MTUS2: variants seen among roughly 807,000 people sequenced by gnomAD.
The protein encoded by MTUS2 is microtubule-associated tumor suppressor candidate 2.
In MTUS2, 40 loss-of-function variants were observed where a neutral mutation model predicts 114.1. That is an observed-to-expected ratio of 0.35 (90% CI 0.27 to 0.46). The LOEUF (loss-of-function observed/expected upper bound fraction) is 0.46. MTUS2 is among the 20% of genes least tolerant of loss of function. The pLI, the probability that MTUS2 is intolerant of heterozygous loss-of-function variation, is 1.00. For missense variants in MTUS2, 1,679 were observed against 1,705.4 expected, an observed-to-expected ratio of 0.98 and a Z score of 0.27; for synonymous variants, 688 against 672.0, an observed-to-expected ratio of 1.02 and a Z score of -0.37.
intron 5 of MTUS2, among the ~76,000 whole-genome samples, chr13:29,207,201 T>C (rs999984165): frequency 1.3e-5 from 2 of 152,044 alleles, no homozygotes; most frequent in Admixed American, 1.3e-4. Flanking sequence ...GTAAAAGGGG[T>C]TGAGTTCTTT....
rs990255673 is a variant in MTUS2, at chr13:29,195,167, A to G, written c.2645-86537A>G. 8.6e-5 allele frequency among the ~76,000 whole-genome samples: 13 copies of G among 151,452 alleles called. No individual in the cohort carries two copies. The East Asian group carries it at 9.7e-4, about 11-fold the overall frequency. Reference sequence around the variant, plus strand: ...TAAATGACGAGTTAATGGGTGCAGCACACCAGCATGGCACATGTATACATA... The same window carrying G: ...TAAATGACGAGTTAATGGGTGCAGCGCACCAGCATGGCACATGTATACATA... On this transcript the variant is annotated intron_variant, in intron 5 of 15. Transcript: ENST00000612955.
chr13:29,282,539 C>A (rs1898316717), intron 6 of MTUS2, among the ~76,000 whole-genome samples: 1 of 152,196 alleles, frequency 6.6e-6, no homozygotes, highest in Non-Finnish European at 1.5e-5. Flanking sequence ...CTATGCTTCT[C>A]CTCCCATCCC....
Position 29,480,509 on chromosome 13 carries a change from C to T in MTUS2, c.3399+145C>T. ...TTTCTGAGTTGCTTTCTCCTTTCTC[C>T]CCGCTCCTCTCTTCTCCTCCAGCCA... is the stretch of plus-strand genomic sequence containing the variant. On this transcript the variant is annotated intron_variant, in intron 10 of 15. Transcript: ENST00000612955. This position sits in a 1 kb window ranked among gnomAD's most constrained non-coding sequence, Gnocchi z 4.4. 1 of 905,152 alleles carries T rather than the reference C, an allele frequency of 1.1e-6. No individual in the cohort carries two copies. The highest frequency in any genetic ancestry group is 1.6e-6 in the Non-Finnish European group (1 of 620,970). 56.1% of individuals were successfully genotyped at this position (905,152 alleles called of 1,614,324 possible). A position where few individuals can be genotyped will look rare whatever the true frequency, so the allele number is the denominator to read the frequency against.
chr13:29,026,488 T>C lies in MTUS2; in HGVS notation c.1790T>C (p.Ile597Thr), dbSNP rs773398678. Residue 597 changes from isoleucine (I) to threonine (T), a missense_variant, in exon 3 of 16, where the codon ATC becomes ACC. Transcript: ENST00000612955. ...GACAAGAACACTTGCCCCAGTGGGA[T>C]CCCCAAGCCTGTCTTCACACATTCC... ...VPDKNTCPSG[I>T]PKPVFTHSKD... The C allele has an allele frequency of 1.1e-5, 18 of 1,613,844 alleles. No individual in the cohort carries two copies. In the South Asian group the frequency reaches 1.9e-4, roughly 17 times the overall value.
At chr13:29,016,816 G>C (rs1291841291) in intron 2 of MTUS2, among the ~76,000 whole-genome samples, 1 of 152,170 alleles carries the variant, frequency 6.6e-6, no homozygotes, top group African/African-American at 2.4e-5. Context: ...ATTATATTTT[G>C]TGTTATGTGA....
chr13:29,223,967 C>G (rs983205303), intron 5 of MTUS2, among the ~76,000 whole-genome samples: 4 of 152,260 alleles, frequency 2.6e-5, no homozygotes, highest in Non-Finnish European at 4.4e-5. Context: ...GCACCTGGAG[C>G]TGTCTGCCCT....
chr13:29,376,402 C>T (rs2388071), intron 8 of MTUS2, among the ~76,000 whole-genome samples: 59,606 of 151,678 alleles, frequency 0.39, 12,034 homozygotes, highest in Middle Eastern at 0.49. Flanking sequence ...ACAACTAAAA[C>T]GTTATTTGAG....
chr13:29,504,706 T>G lies in MTUS2; in HGVS notation c.*1500T>G, dbSNP rs1174258159. ...AAGGAAGAAGTAGTTTTAACAGATA[T>G]GGTGATGATGATGATGCCCTTGTTT... On this transcript the variant is annotated 3_prime_UTR_variant, in exon 16 of 16. Transcript: ENST00000612955. The G allele has an allele frequency of 4.3e-6, 1 of 233,142 alleles. No individual in the cohort carries two copies. Among genetic ancestry groups the G allele is most frequent in the Non-Finnish European group, 8.5e-6 (1 of 118,060 alleles). The allele number at this position is 233,142 out of a possible 1,614,324, so 14.4% of individuals were successfully genotyped here.
intron 5 of MTUS2, among the ~76,000 whole-genome samples, chr13:29,183,338 T>G (rs1428068092): frequency 6.6e-6 from 1 of 151,832 alleles, no homozygotes; most frequent in Non-Finnish European, 1.5e-5. Context: ...GGAGCTGTCA[T>G]CAATGGAGAT....
intron 5 of MTUS2, among the ~76,000 whole-genome samples, chr13:29,274,401 C>T (rs1276347127): frequency 4.6e-5 from 7 of 152,142 alleles, no homozygotes; most frequent in East Asian, 3.9e-4. Flanking sequence ...TGAGCCACCA[C>T]GCCTGGCCAA....
chr13:29,303,780 G>T (rs1593280687), intron 6 of MTUS2, among the ~76,000 whole-genome samples: 1 of 152,202 alleles, frequency 6.6e-6, no homozygotes, highest in Non-Finnish European at 1.5e-5. Flanking sequence ...TTCAGGAAAT[G>T]CAGAGAATCC....
intron 8 of MTUS2, among the ~76,000 whole-genome samples, chr13:29,431,471 C>T (rs1001529525): frequency 8.5e-5 from 13 of 152,112 alleles, no homozygotes; most frequent in Non-Finnish European, 1.8e-4. Flanking sequence ...AGTGGGTAGG[C>T]AACAATAACA....
At chr13:29,180,921 A>T (rs1893975448) in intron 5 of MTUS2, among the ~76,000 whole-genome samples, 1 of 152,236 alleles carries the variant, frequency 6.6e-6, no homozygotes, top group African/African-American at 2.4e-5. Context: ...ACAGGATTTT[A>T]AAGCCTAACT....
At chr13:29,229,974 C>T (rs4098155) in intron 5 of MTUS2, among the ~76,000 whole-genome samples, 125,342 of 152,006 alleles carry the variant, frequency 0.82, 51,722 homozygotes, top group East Asian at 0.89. Flanking sequence ...GGGCCGGGCA[C>T]AATGGCTCAC....
At chr13:29,406,773 T>C (rs753123077) in intron 8 of MTUS2, among the ~76,000 whole-genome samples, 87 of 152,134 alleles carry the variant, frequency 5.7e-4, no homozygotes, top group Non-Finnish European at 8.7e-4. Context: ...CATAAAAAAG[T>C]ATAGGTGTTT....
At chr13:29,129,065 T>C (rs1311482141) in intron 5 of MTUS2, among the ~76,000 whole-genome samples, 1 of 152,224 alleles carries the variant, frequency 6.6e-6, no homozygotes, top group Non-Finnish European at 1.5e-5. Context: ...TCTCTAAATG[T>C]GGTGGCAAGT....
At chr13:29,059,859 G>A (rs1888328322) in intron 4 of MTUS2, among the ~76,000 whole-genome samples, 1 of 152,362 alleles carries the variant, frequency 6.6e-6, no homozygotes, top group South Asian at 2.1e-4. Context: ...CCACTGGCAA[G>A]GGTGGGGTTG....
chr13:29,115,215 A>G (rs1891040339), intron 5 of MTUS2, among the ~76,000 whole-genome samples: 1 of 151,956 alleles, frequency 6.6e-6, no homozygotes, highest in Non-Finnish European at 1.5e-5. Flanking sequence ...CCAACAGACT[A>G]GGTGAATGTG....
chr13:29,389,645 GT>G (rs759748085), intron 8 of MTUS2, among the ~76,000 whole-genome samples: 1 of 141,820 alleles, frequency 7.1e-6, no homozygotes, highest in African/African-American at 2.7e-5. Flanking sequence ...ATATGTGTAT[GT>G]ATATACGTAT....
Sources: gnomAD v4.1 joint callset for allele counts (sites outside exome capture counted in the v4.1 genomes callset) on GRCh38, gnomAD v4.1.1 for gene constraint, Gnocchi (gnomAD v3.1) non-coding constraint, MANE v1.5 for transcripts, NCBI Gene and HGNC (gene_info 2026-07-23, HGNC 2026-07-21) for gene names.